The following TPTE variants were observed in gnomAD, a reference collection of about 807,000 sequenced individuals.
TPTE encodes the protein transmembrane phosphatase with tensin homology.
In TPTE, 59 loss-of-function variants were observed where a neutral mutation model predicts 84.1. That is an observed-to-expected ratio of 0.70 (90% CI 0.57 to 0.87). TPTE has a LOEUF of 0.87. Ranked by LOEUF, TPTE falls within the 40% of genes least tolerant of loss-of-function variation. The probability of loss-of-function intolerance (pLI) is 0.00; values close to 1 mark genes in which losing one functional copy is unlikely to be tolerated. For synonymous variants in TPTE, 130 were observed against 223.5 expected (o/e 0.58, Z 3.73); for missense variants, 382 against 659.6 (o/e 0.58, Z 4.61).
chr21:10,586,694 T>C (rs1322343420), intron 17 of TPTE, among the ~76,000 whole-genome samples: 1 of 152,308 alleles, frequency 6.6e-6, no homozygotes, highest in Non-Finnish European at 1.5e-5. Context: ...TTCTATGTTT[T>C]TAGTAATTAC....
intron 14 of TPTE, among the ~76,000 whole-genome samples, chr21:10,575,281 C>T (rs2075127965): frequency 6.6e-6 from 1 of 152,310 alleles, no homozygotes; most frequent in African/African-American, 2.4e-5. Context: ...GGACCCCAAT[C>T]AATTCCTCCT....
At chr21:10,549,218 A>G (rs1479821258) in intron 7 of TPTE, among the ~76,000 whole-genome samples, 3 of 152,308 alleles carry the variant, frequency 2.0e-5, no homozygotes, top group African/African-American at 4.8e-5. Context: ...ACCCATTCAT[A>G]CAAATAAATT....
intron 17 of TPTE, among the ~76,000 whole-genome samples, chr21:10,581,587 T>C (rs1451954302): frequency 6.6e-6 from 1 of 152,308 alleles, no homozygotes; most frequent in African/African-American, 2.4e-5. Context: ...ACCAGTAGTA[T>C]CGTGATAGTA....
At chr21:10,525,937 T>C (rs1421699651) in intron 2 of TPTE, among the ~76,000 whole-genome samples, 2 of 152,312 alleles carry the variant, frequency 1.3e-5, no homozygotes, top group Non-Finnish European at 2.9e-5. Context: ...CTGGAGTAAT[T>C]TGAGTGTCTT....
At chr21:10,571,058 A>T (rs2075032928) in intron 14 of TPTE, among the ~76,000 whole-genome samples, 1 of 152,242 alleles carries the variant, frequency 6.6e-6, no homozygotes, top group Admixed American at 6.5e-5. Flanking sequence ...TAAGGCACTG[A>T]GGACTGGCCT....
chr21:10,581,819 A>G (rs1347649752), intron 17 of TPTE, among the ~76,000 whole-genome samples: 3 of 152,306 alleles, frequency 2.0e-5, no homozygotes, highest in African/African-American at 4.8e-5. Context: ...TGCAGCCTGA[A>G]CCTCCCGGGG....
At chr21:10,582,853 C>T (rs560211005) in intron 17 of TPTE, among the ~76,000 whole-genome samples, 2 of 152,420 alleles carry the variant, frequency 1.3e-5, no homozygotes, top group South Asian at 2.1e-4. Context: ...CATGCCTGTG[C>T]CTCCAGAGTA....
chr21:10,578,003 A>G (rs1358929118), intron 15 of TPTE, among the ~76,000 whole-genome samples: 2 of 152,308 alleles, frequency 1.3e-5, no homozygotes, highest in Non-Finnish European at 2.9e-5. Context: ...TACTCAATAG[A>G]CATTTTCAGG....
At chr21:10,597,185 A>G (rs545751708) in intron 20 of TPTE, among the ~76,000 whole-genome samples, 1 of 152,428 alleles carries the variant, frequency 6.6e-6, no homozygotes, top group East Asian at 1.9e-4. Flanking sequence ...AGGAACAAAA[A>G]AGCCTTTGTC....
intron 5 of TPTE, among the ~76,000 whole-genome samples, chr21:10,541,601 A>G (rs1426047339): frequency 6.6e-6 from 1 of 152,312 alleles, no homozygotes; most frequent in Non-Finnish European, 1.5e-5. Context: ...CAGGTTCTTT[A>G]TCATCTCCCT....
intron 3 of TPTE, among the ~76,000 whole-genome samples, chr21:10,533,060 C>T (rs543969972): frequency 6.6e-6 from 1 of 152,298 alleles, no homozygotes; most frequent in Non-Finnish European, 1.5e-5. Context: ...TTTTAGTTTT[C>T]ATTTCTTCTT....
chr21:10,564,894 G>A (rs1366794638), intron 10 of TPTE, among the ~76,000 whole-genome samples: 71 of 152,364 alleles, frequency 4.7e-4, no homozygotes, highest in African/African-American at 1.3e-3. Flanking sequence ...AGTCATTACC[G>A]TACTGAATGG....
intron 3 of TPTE, among the ~76,000 whole-genome samples, chr21:10,531,806 A>T (rs1213006072): frequency 1.3e-5 from 2 of 152,310 alleles, no homozygotes; most frequent in Admixed American, 6.5e-5. Context: ...TAATTTACAC[A>T]TTTAATGCTT....
chr21:10,598,443 A>T (rs2075629992), intron 21 of TPTE, among the ~76,000 whole-genome samples: 2 of 152,304 alleles, frequency 1.3e-5, no homozygotes, highest in Non-Finnish European at 2.9e-5. Context: ...CCGTCATTTG[A>T]TCTTTTGTTA....
chr21:10,572,833 T>C (rs210514), intron 14 of TPTE, among the ~76,000 whole-genome samples: 21,575 of 132,020 alleles, frequency 0.16, 16 homozygotes, highest in African/African-American at 0.42. Flanking sequence ...GTAGTGCAGA[T>C]ATACACATGA....
chr21:10,523,934 T>C (rs1265595490), intron 1 of TPTE, among the ~76,000 whole-genome samples: 1 of 152,304 alleles, frequency 6.6e-6, no homozygotes, highest in Non-Finnish European at 1.5e-5. Flanking sequence ...AGTGTTCCTA[T>C]TTCTCCACAT....
intron 8 of TPTE, among the ~76,000 whole-genome samples, chr21:10,558,762 G>A (rs1418489234): frequency 6.6e-6 from 1 of 151,110 alleles, no homozygotes; most frequent in Non-Finnish European, 1.5e-5. Context: ...TGTGTTGGAG[G>A]CTTCTCCTCC....
chr21:10,555,129 A>T (rs372585855), intron 8 of TPTE, among the ~76,000 whole-genome samples: 2 of 152,428 alleles, frequency 1.3e-5, no homozygotes, highest in African/African-American at 4.8e-5. Context: ...TCATGTTCAT[A>T]GTTAATATTT....
At chr21:10,551,778 G>C (rs140866704) in intron 7 of TPTE, among the ~76,000 whole-genome samples, 665 of 152,152 alleles carry the variant, frequency 4.4e-3, no homozygotes, top group Non-Finnish European at 6.8e-3. Context: ...AGACTATTAT[G>C]AGCAACTCTA....
Sources: gnomAD v4.1 joint callset for allele counts (sites outside exome capture counted in the v4.1 genomes callset) on GRCh38, gnomAD v4.1.1 for gene constraint, MANE v1.5 for transcripts, NCBI Gene and HGNC (gene_info 2026-07-23, HGNC 2026-07-21) for gene names.